Variants in ANKRD12 observed in about 807,000 individuals in gnomAD.
The protein encoded by ANKRD12 is ankyrin repeat domain 12.
In ANKRD12, 85 loss-of-function variants were observed where a neutral mutation model predicts 183.4. The ratio of observed to expected loss-of-function variants is 0.46; its 90% confidence interval spans 0.39 to 0.56. The LOEUF is 0.56. ANKRD12 is among the 20% of genes least tolerant of loss of function. ANKRD12 has a pLI of 0.00. For synonymous variants in ANKRD12, 914 were observed against 800.2 expected (o/e 1.14, Z -2.40); for missense variants, 2,405 against 2,357.1 (o/e 1.02, Z -0.42).
intron 8 of ANKRD12, among the ~76,000 whole-genome samples, chr18:9,229,532 G>A (rs994552307): frequency 2.0e-5 from 3 of 152,002 alleles, no homozygotes; most frequent in African/African-American, 4.8e-5. Flanking sequence ...GTTATTCCTA[G>A]TTGTTTGTTG....
chr18:9,214,826 G>A (rs1318732521), intron 6 of ANKRD12, among the ~76,000 whole-genome samples: 5 of 152,082 alleles, frequency 3.3e-5, no homozygotes, highest in South Asian at 2.1e-4. Flanking sequence ...GTTTGAAAAC[G>A]TTGCACTTTT....
intron 2 of ANKRD12, among the ~76,000 whole-genome samples, chr18:9,192,084 C>T (rs1042987051): frequency 6.6e-6 from 1 of 152,178 alleles, no homozygotes; most frequent in Admixed American, 6.5e-5. Flanking sequence ...GCATGCTCCC[C>T]ACCCCTTGGA....
chr18:9,154,599 A>C (rs1454285037), intron 1 of ANKRD12, among the ~76,000 whole-genome samples: 2 of 152,186 alleles, frequency 1.3e-5, no homozygotes, highest in African/African-American at 2.4e-5. Context: ...TGCCTGTAGA[A>C]GATGGGGGTG....
intron 8 of ANKRD12, 85 bp downstream of exon 8, chr18:9,222,084 TG>T: frequency 6.7e-7 from 1 of 1,483,566 alleles, no homozygotes; most frequent in Non-Finnish European, 9.2e-7. Flanking sequence ...ATATACAAAA[TG>T]TTTGAATACT....
intron 1 of ANKRD12, among the ~76,000 whole-genome samples, chr18:9,181,716 A>G (rs568293728): frequency 1.3e-5 from 2 of 152,250 alleles, no homozygotes; most frequent in African/African-American, 4.8e-5. Flanking sequence ...ACCCCTTGGA[A>G]TTTTTTCTGG....
intron 1 of ANKRD12, among the ~76,000 whole-genome samples, chr18:9,179,549 T>G (rs1346016840): frequency 6.6e-6 from 1 of 152,160 alleles, no homozygotes; most frequent in African/African-American, 2.4e-5. Flanking sequence ...AGGGCCTCAT[T>G]CTGTCACCCA....
intron 3 of ANKRD12, among the ~76,000 whole-genome samples, chr18:9,202,284 A>G (rs1198617982): frequency 2.0e-5 from 3 of 152,208 alleles, no homozygotes; most frequent in African/African-American, 7.2e-5. Flanking sequence ...AAGACTTTAG[A>G]TGCCATTTAA....
In ANKRD12 at chr18:9,257,179, C is replaced by T; in HGVS notation, c.3912C>T (p.Thr1304=). ...VKLIISEGRP[T]IEVRRCSMPS... is the part of the protein sequence containing the mutation. ...TAATTATAAGCGAGGGGAGACCTAC[C>T]ATAGAAGTTCGAAGATGTAGCATGC... is the stretch of plus-strand genomic sequence containing the variant. The change falls in exon 9 of 13, where the codon ACC becomes ACT. Residue 1304 remains threonine, a synonymous_variant. Coordinates refer to ENST00000262126, the MANE Select transcript of ANKRD12 (RefSeq NM_015208.5). The T allele has an allele frequency of 1.2e-6, 2 of 1,614,104 alleles. No individual in the cohort carries two copies. The highest frequency in any genetic ancestry group is 1.7e-6 in the Non-Finnish European group (2 of 1,179,976).
chr18:9,262,029 T>C (rs1268043873), intron 9 of ANKRD12, among the ~76,000 whole-genome samples: 3 of 152,240 alleles, frequency 2.0e-5, no homozygotes, highest in African/African-American at 7.2e-5. Flanking sequence ...ATTAGAGGCC[T>C]GAGAAATGGT....
intron 1 of ANKRD12, among the ~76,000 whole-genome samples, chr18:9,143,944 A>C (rs148067136): frequency 3.9e-5 from 6 of 152,196 alleles, no homozygotes; most frequent in Admixed American, 1.3e-4. Flanking sequence ...TCCTTCAGGC[A>C]CTAGTGCTCT....
chr18:9,155,729 TTTTGTTC>T (rs929964600), intron 1 of ANKRD12, among the ~76,000 whole-genome samples: 2 of 152,174 alleles, frequency 1.3e-5, no homozygotes, highest in African/African-American at 4.8e-5. Flanking sequence ...CTTTTGTGTT[TTTTGTTC>T]TTTGTTCATG....
chr18:9,281,180 A>G lies in ANKRD12; in HGVS notation c.*54A>G. 1 of 1,410,894 alleles carries G rather than the reference A, an allele frequency of 7.1e-7. No individual in the cohort carries two copies. Among genetic ancestry groups the G allele is most frequent in the Non-Finnish European group, 9.6e-7 (1 of 1,036,390 alleles). 87.4% of individuals were successfully genotyped at this position (1,410,894 alleles called of 1,614,324 possible). On this transcript the variant is annotated 3_prime_UTR_variant, in exon 13 of 13. Transcript: ENST00000262126. ...TAAACTGGTGATGCTCAAGCATTAT[A>G]CTGTGGAATACTGCCTTTTGACAAA...
chr18:9,254,390 A>G lies in ANKRD12; in HGVS notation c.1123A>G (p.Ile375Val), dbSNP rs771688298. The G allele has an allele frequency of 2.5e-6, 4 of 1,607,912 alleles. No individual in the cohort carries two copies. The highest frequency in any genetic ancestry group is 3.4e-5 in the Admixed American group (2 of 58,734). The part of the protein sequence containing the change: ...DDDDEEINKM[I>V]DDRHILRKEQ... Reference sequence around the variant, plus strand: ...TGATGATGAAGAAATTAATAAGATGATTGATGATAGGCATATTCTTAGGAA... The same window carrying G: ...TGATGATGAAGAAATTAATAAGATGGTTGATGATAGGCATATTCTTAGGAA... Residue 375 changes from isoleucine (I) to valine (V), a missense_variant, in exon 9 of 13, where the codon ATT becomes GTT. This residue lies in a region of ANKRD12 where 1,983 missense variants were observed against 1,725.9 expected (regional missense o/e 1.15). Coordinates refer to ENST00000262126, the MANE Select transcript of ANKRD12 (RefSeq NM_015208.5).
intron 1 of ANKRD12, among the ~76,000 whole-genome samples, chr18:9,168,623 A>T (rs1216781300): frequency 6.6e-6 from 1 of 151,930 alleles, no homozygotes; most frequent in African/African-American, 2.4e-5. Context: ...CTTCTTTATT[A>T]GTCTTGCTAG....
At chr18:9,227,232 A>G (rs937948163) in intron 8 of ANKRD12, among the ~76,000 whole-genome samples, 2 of 152,180 alleles carry the variant, frequency 1.3e-5, no homozygotes, top group Non-Finnish European at 2.9e-5. Flanking sequence ...CAAGGAGGTA[A>G]AACATTAACT....
chr18:9,142,546 T>C (rs1291157300), intron 1 of ANKRD12, among the ~76,000 whole-genome samples: 3 of 152,090 alleles, frequency 2.0e-5, no homozygotes, highest in African/African-American at 7.2e-5. Context: ...TGAAACAGAG[T>C]AGAGGTAAAC....
Position 9,209,328 on chromosome 18 carries a change from A to C in ANKRD12, c.451+525A>C, listed in dbSNP as rs895339580. Among the ~76,000 whole-genome samples the C allele has an allele frequency of 6.6e-5, 10 of 152,350 alleles. No individual in the cohort carries two copies. In the East Asian group the frequency reaches 1.9e-3, roughly 29 times the overall value. On this transcript the variant is annotated intron_variant, in intron 5 of 12. Transcript: ENST00000262126. ...TACTATTCACATCCTGGCAGCTAAAAGTACAAAAGAAAATTTTTGAGTTAC... is the reference window on the plus strand; with the variant it reads ...TACTATTCACATCCTGGCAGCTAAACGTACAAAAGAAAATTTTTGAGTTAC...
At chr18:9,248,445 G>A (rs1423507448) in intron 8 of ANKRD12, among the ~76,000 whole-genome samples, 1 of 152,118 alleles carries the variant, frequency 6.6e-6, no homozygotes, top group African/African-American at 2.4e-5. Context: ...CTCAATCTAA[G>A]TGAAATAAGT....
At chr18:9,147,464 T>A (rs1231289666) in intron 1 of ANKRD12, among the ~76,000 whole-genome samples, 1 of 152,166 alleles carries the variant, frequency 6.6e-6, no homozygotes, top group African/African-American at 2.4e-5. Context: ...AAAAATTTAT[T>A]TAGAATATTT....
Sources: allele counts gnomAD v4.1 joint callset (sites outside exome capture counted in the v4.1 genomes callset), GRCh38; gene constraint gnomAD v4.1.1; regional missense constraint gnomAD v4.1.1; transcripts MANE v1.5; gene names NCBI Gene and HGNC (gene_info 2026-07-23, HGNC 2026-07-21).